TPO: variants seen among roughly 807,000 people sequenced by gnomAD.
TPO encodes the protein thyroid microsomal antigen.
A neutral mutation model predicts 96.9 loss-of-function variants in TPO; 78 were observed. That is an observed-to-expected ratio of 0.81 (90% CI 0.67 to 0.97). TPO has a LOEUF of 0.97. Among genes scored for constraint, TPO ranks in the 50% least tolerant of loss-of-function variants. TPO has a pLI of 0.00. For synonymous variants in TPO, 547 were observed against 538.0 expected, an observed-to-expected ratio of 1.02 and a Z score of -0.23; for missense variants, 1,252 against 1,274.8, an observed-to-expected ratio of 0.98 and a Z score of 0.27.
intron 4 of TPO, among the ~76,000 whole-genome samples, chr2:1,434,602 C>G (rs1665366157): frequency 6.6e-6 from 1 of 152,170 alleles, no homozygotes; most frequent in South Asian, 2.1e-4. Flanking sequence ...AATGGCAGTT[C>G]CTGACGTCAG....
chr2:1,520,758 T>C (rs1675173736), intron 15 of TPO, among the ~76,000 whole-genome samples: 1 of 152,250 alleles, frequency 6.6e-6, no homozygotes, highest in African/African-American at 2.4e-5. Flanking sequence ...ACTTTTACAC[T>C]AAAAATTCAT....
chr2:1,380,331 T>C (rs1661790221), intron 1 of TPO, among the ~76,000 whole-genome samples: 1 of 150,486 alleles, frequency 6.6e-6, no homozygotes, highest in Non-Finnish European at 1.5e-5. Context: ...GAGGCAGAGC[T>C]TGGAGTGAGC....
At chr2:1,394,528 G>A (rs1996207) in intron 1 of TPO, among the ~76,000 whole-genome samples, 38,649 of 152,142 alleles carry the variant, frequency 0.25, 5,741 homozygotes, top group East Asian at 0.41. Context: ...ACGTCTCCAG[G>A]AATGCTCCTT....
intron 7 of TPO, among the ~76,000 whole-genome samples, chr2:1,464,020 A>G (rs999805609): frequency 1.3e-5 from 2 of 152,076 alleles, no homozygotes; most frequent in Non-Finnish European, 2.9e-5. Flanking sequence ...ACTGAACACA[A>G]TTTGTAGCTT....
intron 1 of TPO, among the ~76,000 whole-genome samples, chr2:1,379,890 G>A (rs1180407928): frequency 6.6e-6 from 1 of 152,138 alleles, no homozygotes; most frequent in Non-Finnish European, 1.5e-5. Flanking sequence ...CATGTGTCCT[G>A]TAGACATCAC....
rs1346899595 is a variant in TPO, at chr2:1,540,682, G to C, written c.2707G>C (p.Gly903Arg). 3.1e-6 allele frequency: 5 copies of C among 1,613,262 alleles called. No individual in the cohort carries two copies. The highest frequency in any genetic ancestry group is 1.3e-5 in the African/African-American group (1 of 74,830). The change falls in exon 16 of 17, where the codon GGG (glycine) becomes CGG (arginine). Residue 903 changes from glycine to arginine, a missense_variant. Gly to Arg is a moderately radical substitution (Grantham distance 125). Coordinates refer to ENST00000329066, the MANE Select transcript of TPO (RefSeq NM_001206744.2). ...ELRCGKHQAV[G>R]TSPQRAAAQD... is the part of the protein sequence containing the mutation. ...GAGATGCGGAAAGCACCAGGCCGTA[G>C]GGACCTCACCGCAGCGGGCCGCAGC... is the stretch of plus-strand genomic sequence containing the variant.
At chr2:1,378,716 G>A (rs1661759420) in intron 1 of TPO, among the ~76,000 whole-genome samples, 1 of 152,198 alleles carries the variant, frequency 6.6e-6, no homozygotes, top group Non-Finnish European at 1.5e-5. Context: ...GGAGAAGAGA[G>A]ATCTGTGGGA....
At chr2:1,531,287 A>C (rs1224510691) in intron 15 of TPO, among the ~76,000 whole-genome samples, 1 of 73,660 alleles carries the variant, frequency 1.4e-5, no homozygotes, top group Non-Finnish European at 2.7e-5. Flanking sequence ...ATCCCCCCTA[A>C]TGTCAGCAAC....
chr2:1,531,977 A>C (rs111282268), intron 15 of TPO, among the ~76,000 whole-genome samples: 1 of 68,730 alleles, frequency 1.5e-5, no homozygotes, highest in Non-Finnish European at 2.9e-5. Flanking sequence ...AAATCTCCCC[A>C]CTGTGTGCAA....
intron 13 of TPO, among the ~76,000 whole-genome samples, chr2:1,496,988 G>GTGACCAA (rs1280871344): frequency 6.6e-6 from 1 of 152,174 alleles, no homozygotes; most frequent in Admixed American, 6.5e-5. Flanking sequence ...ACGTGGAATC[G>GTGACCAA]TGACCAATGG....
intron 5 of TPO, among the ~76,000 whole-genome samples, chr2:1,443,533 T>C (rs563063373): frequency 1.1e-4 from 16 of 150,336 alleles, no homozygotes; most frequent in South Asian, 2.1e-4. Flanking sequence ...GATCCAGTCA[T>C]TGCTGCAGGA....
At chr2:1,387,738 G>A (rs1661925507) in intron 1 of TPO, among the ~76,000 whole-genome samples, 1 of 152,180 alleles carries the variant, frequency 6.6e-6, no homozygotes, top group Admixed American at 6.5e-5. Context: ...GTCCAGCTTT[G>A]TTCCATTGCT....
chr2:1,535,001 A>T (rs1205231937), intron 15 of TPO, among the ~76,000 whole-genome samples: 7 of 112,652 alleles, frequency 6.2e-5, no homozygotes, highest in African/African-American at 2.1e-4. Flanking sequence ...CAATTTCCCT[A>T]AATCGCCGCA....
At chr2:1,406,508 C>T (rs1662252807) in intron 1 of TPO, among the ~76,000 whole-genome samples, 1 of 152,250 alleles carries the variant, frequency 6.6e-6, no homozygotes, top group African/African-American at 2.4e-5. Context: ...ACCTGCCATG[C>T]CTGGCTTGCA....
At chr2:1,451,542 G>T (rs916250578) in intron 5 of TPO, among the ~76,000 whole-genome samples, 4 of 152,076 alleles carry the variant, frequency 2.6e-5, no homozygotes, top group Non-Finnish European at 5.9e-5. Flanking sequence ...TCCTAGTCAC[G>T]CCTGACTCTT....
intron 15 of TPO, among the ~76,000 whole-genome samples, chr2:1,524,989 C>G (rs1676103292): frequency 7.7e-6 from 1 of 129,662 alleles, no homozygotes; most frequent in Admixed American, 7.7e-5. Context: ...GTGCAACCTC[C>G]CCAAATCCAC....
rs575813746 is a variant in TPO, at chr2:1,425,917, G to T, written c.179+2788G>T. ...CTTCCGTAAAGTCATTGTTCTAGAT[G>T]CCGGGATACAGAGGTGAGTTTGATC... On this transcript the variant is annotated intron_variant, in intron 3 of 16. Coordinates refer to ENST00000329066, the MANE Select transcript of TPO (RefSeq NM_001206744.2). 6.1e-5 allele frequency among the ~76,000 whole-genome samples: 9 copies of T among 148,018 alleles called. No individual in the cohort carries two copies. In the East Asian group the frequency reaches 1.9e-3, roughly 31 times the overall value.
At chr2:1,498,425 C>T (rs1672567126) in intron 13 of TPO, among the ~76,000 whole-genome samples, 1 of 152,254 alleles carries the variant, frequency 6.6e-6, no homozygotes, top group Non-Finnish European at 1.5e-5. Flanking sequence ...AAATAACTTT[C>T]AAACTCACTA....
At chr2:1,432,057 G>A (rs1665030387) in intron 3 of TPO, among the ~76,000 whole-genome samples, 1 of 152,254 alleles carries the variant, frequency 6.6e-6, no homozygotes. Flanking sequence ...CTGGCCTCCT[G>A]TCAGCTGGAG....
Sources: allele counts gnomAD v4.1 joint callset (sites outside exome capture counted in the v4.1 genomes callset), GRCh38; gene constraint gnomAD v4.1.1; transcripts MANE v1.5; gene names NCBI Gene and HGNC (gene_info 2026-07-23, HGNC 2026-07-21).